Variants in FBXO34 observed in about 807,000 individuals in gnomAD.
FBXO34 encodes F-box protein 34.
Under a neutral mutation model 24.5 loss-of-function variants are expected in FBXO34, and 12 were observed. The ratio of observed to expected loss-of-function variants is 0.49; its 90% CI spans 0.31 to 0.79. The LOEUF (loss-of-function observed/expected upper bound fraction) is 0.79. FBXO34 is among the 30% of genes least tolerant of loss of function. FBXO34 has a pLI of 0.04. For missense variants in FBXO34, 823 were observed against 857.7 expected, an observed-to-expected ratio of 0.96 and a Z score of 0.51; for synonymous variants, 320 against 311.9, an observed-to-expected ratio of 1.03 and a Z score of -0.27.
the FBXO34 span, among the ~76,000 whole-genome samples, chr14:55,433,279 C>CCACCACAT: frequency 8.3e-3 from 1,253 of 151,202 alleles, 15 homozygotes; most frequent in African/African-American, 0.029. Flanking sequence ...GAGGCATGCA[C>CCACCACAT]CACCACATCC....
chr14:55,370,640 C>A (rs994635173), downstream of FBXO34, among the ~76,000 whole-genome samples: 2 of 151,838 alleles, frequency 1.3e-5, no homozygotes, highest in African/African-American at 4.8e-5. Flanking sequence ...AGCCTTTCTG[C>A]ATTTCTTTTT....
chr14:55,380,876 T>TATATATATATATATATATA, the FBXO34 span, among the ~76,000 whole-genome samples: 16 of 84,274 alleles, frequency 1.9e-4, no homozygotes, highest in African/African-American at 9.2e-4. Context: ...TATATATATA[T>TATATATATATATATATATA]TTTTTTTTTT....
chr14:55,396,023 T>C, the FBXO34 span: 23,498 of 1,484,908 alleles, frequency 0.016, 232 homozygotes, highest in Non-Finnish European at 0.019. Flanking sequence ...TTAAAAATAA[T>C]AAAATTCTGT....
chr14:55,349,518 C>G (rs549233673), intron 1 of FBXO34, among the ~76,000 whole-genome samples: 1 of 150,366 alleles, frequency 6.7e-6, no homozygotes, highest in Non-Finnish European at 1.5e-5. Context: ...AATAGATGGG[C>G]AAAGTACACA....
chr14:55,383,306 T>C, the FBXO34 span, among the ~76,000 whole-genome samples: 1 of 152,066 alleles, frequency 6.6e-6, no homozygotes, highest in South Asian at 2.1e-4. Flanking sequence ...ATCCCAGCAC[T>C]TTGGAAGGCT....
chr14:55,298,861 C>G, intron 1 of FBXO34: 1 of 1,609,406 alleles, frequency 6.2e-7, no homozygotes, highest in South Asian at 1.1e-5. Flanking sequence ...ATCGACGGTA[C>G]ATTATCAACC....
chr14:55,311,969 A>G lies in FBXO34; in HGVS notation c.-10-38412A>G, dbSNP rs1275172151. Among the ~76,000 whole-genome samples, 3 of 152,296 alleles carry G rather than the reference A, an allele frequency of 2.0e-5. No homozygotes were observed. In the East Asian group the frequency reaches 5.8e-4, roughly 29 times the overall value. ...TAATCCCCAGCACTTTGGGAGGCTG[A>G]GGCAGGCAGATCACGAGGTAAGGCG... On this transcript the variant is annotated intron_variant, in intron 1 of 1. Transcript: ENST00000313833.
chr14:55,433,294 A>G, the FBXO34 span, among the ~76,000 whole-genome samples: 5 of 141,910 alleles, frequency 3.5e-5, no homozygotes, highest in Non-Finnish European at 7.5e-5. Flanking sequence ...ACATCCAGCT[A>G]CTTTTTAGAT....
At chr14:55,307,073 G>A (rs1882575345) in intron 1 of FBXO34, among the ~76,000 whole-genome samples, 1 of 152,208 alleles carries the variant, frequency 6.6e-6, no homozygotes, top group Non-Finnish European at 1.5e-5. Context: ...AAGACTGATT[G>A]TTCTGAATTG....
chr14:55,364,218 GGATTACAGGTGT>G (rs1262925417), downstream of FBXO34, among the ~76,000 whole-genome samples: 1 of 151,950 alleles, frequency 6.6e-6, no homozygotes, highest in Non-Finnish European at 1.5e-5. Flanking sequence ...CAAAGTGCTG[GGATTACAGGTGT>G]GAGCCACCAC....
intron 1 of FBXO34, among the ~76,000 whole-genome samples, chr14:55,273,006 G>A (rs2139614361): frequency 6.6e-6 from 1 of 152,218 alleles, no homozygotes; most frequent in East Asian, 1.9e-4. Context: ...ACCCTCTTCG[G>A]GTATTCCAGC....
chr14:55,394,565 C>A, the FBXO34 span, among the ~76,000 whole-genome samples: 1 of 152,108 alleles, frequency 6.6e-6, no homozygotes, highest in African/African-American at 2.4e-5. Flanking sequence ...ATAGCATGTA[C>A]ACTACAGATT....
chr14:55,429,032 G>A, the FBXO34 span: 4 of 1,582,034 alleles, frequency 2.5e-6, no homozygotes, highest in Non-Finnish European at 3.5e-6. Flanking sequence ...CTCAACTACT[G>A]GTGTTGTATT....
At chr14:55,397,230 G>A in the FBXO34 span, 1 of 756,206 alleles carries the variant, frequency 1.3e-6, no homozygotes, top group Non-Finnish European at 2.3e-6. Context: ...TCTCCCACAT[G>A]CACTCCTTTC....
the FBXO34 span, chr14:55,390,968 T>A: frequency 1.4e-4 from 224 of 1,607,454 alleles, no homozygotes; most frequent in Non-Finnish European, 1.9e-4. Context: ...TCAATCCTCA[T>A]CTTGCAGGAC....
At chr14:55,411,462 G>T in the FBXO34 span, 1 of 844,514 alleles carries the variant, frequency 1.2e-6, no homozygotes, top group Non-Finnish European at 1.8e-6. Flanking sequence ...CCGGTGCAGA[G>T]CAGCTAGCTA....
intron 1 of FBXO34, among the ~76,000 whole-genome samples, chr14:55,300,224 C>T (rs546377219): frequency 6.6e-6 from 1 of 152,214 alleles, no homozygotes; most frequent in Admixed American, 6.5e-5. Context: ...AAGTCTAACC[C>T]TTTATAGGTC....
the FBXO34 span, among the ~76,000 whole-genome samples, chr14:55,400,836 G>T: frequency 6.6e-6 from 1 of 151,792 alleles, no homozygotes; most frequent in Non-Finnish European, 1.5e-5. Context: ...CCCGGGAAGC[G>T]GAGGTTGCAG....
the FBXO34 span, among the ~76,000 whole-genome samples, chr14:55,439,571 A>G: frequency 3.4e-5 from 5 of 147,452 alleles, no homozygotes; most frequent in African/African-American, 1.3e-4. Flanking sequence ...GGGTGGGATG[A>G]CTTGAGGTCA....
Sources: gnomAD v4.1 joint callset for allele counts (sites outside exome capture counted in the v4.1 genomes callset) on GRCh38, gnomAD v4.1.1 for gene constraint, MANE v1.5 for transcripts, NCBI Gene and HGNC (gene_info 2026-07-23, HGNC 2026-07-21) for gene names.